BDH1: variants seen among roughly 807,000 people sequenced by gnomAD.
The protein encoded by BDH1 is 3-hydroxybutyrate dehydrogenase 1, also known as D-beta-hydroxybutyrate dehydrogenase, mitochondrial.
In BDH1, 30 loss-of-function variants were observed where a neutral mutation model predicts 33.1. The observed-to-expected ratio is 0.91, with a 90% CI of 0.68 to 1.23. The LOEUF (loss-of-function observed/expected upper bound fraction) is 1.23. BDH1 is among the 50% of genes most tolerant of loss of function. The probability of loss-of-function intolerance (pLI) is 0.00; values close to 1 mark genes in which losing one functional copy is unlikely to be tolerated. For missense variants in BDH1, 443 were observed against 464.4 expected (o/e 0.95, Z 0.42); for synonymous variants, 190 against 183.6 (o/e 1.03, Z -0.28).
At chr3:197,539,128 T>A (rs778044109) in intron 3 of BDH1, among the ~76,000 whole-genome samples, 18 of 152,190 alleles carry the variant, frequency 1.2e-4, no homozygotes, top group Admixed American at 2.6e-4. Flanking sequence ...TGTGTTTTTT[T>A]GAGATGGAGT....
chr3:197,540,663 C>T (rs1298265457), intron 3 of BDH1, among the ~76,000 whole-genome samples: 1 of 152,054 alleles, frequency 6.6e-6, no homozygotes, highest in Non-Finnish European at 1.5e-5. Flanking sequence ...TGAGACCTGT[C>T]TTAAAACAAA....
intron 3 of BDH1, chr3:197,543,187 GA>G (rs1446180700): frequency 3.0e-6 from 3 of 985,210 alleles, no homozygotes; most frequent in Non-Finnish European, 2.4e-6. Flanking sequence ...GGCTTAGGAG[GA>G]ACACATATCA....
In BDH1 at chr3:197,516,253, T is replaced by A. The variant is rs1712711107; in HGVS notation, c.410-1837A>T. 6.6e-6 allele frequency among the ~76,000 whole-genome samples: 1 copy of A among 152,236 alleles called. No homozygotes were observed. On this transcript the variant is annotated intron_variant, in intron 6 of 7. Transcript: ENST00000392379. The surrounding 1 kb of genome is among the most constrained non-coding windows in gnomAD (Gnocchi z 4.2). The stretch of plus-strand genomic sequence containing the variant: ...CTCTTAGGTGTCCTCATCTTCTTCA[T>A]GTTTGTGAATTTTGCAGCCGTTTTG...
rs968312061 is a variant in BDH1, at chr3:197,528,191, T to C, written c.267+4221A>G. 1 of 152,172 alleles carries C rather than the reference T, an allele frequency of 6.6e-6. No homozygotes were observed. The highest frequency in any genetic ancestry group is 2.4e-5 in the African/African-American group (1 of 41,434). 9.4% of individuals were successfully genotyped at this position (152,172 alleles called of 1,614,324 possible). A position where few individuals can be genotyped will look rare whatever the true frequency, so the allele number is the denominator to read the frequency against. ...AACATCGTGATGGGGCAAAGCCTGATCCAGGTGGGTTGCACCCCCTCTGGG... is the reference window on the plus strand; with the variant it reads ...AACATCGTGATGGGGCAAAGCCTGACCCAGGTGGGTTGCACCCCCTCTGGG... On this transcript the variant is annotated intron_variant, in intron 5 of 7. Coordinates refer to ENST00000392379, the MANE Select transcript of BDH1 (RefSeq NM_203314.3). This position sits in a 1 kb window ranked among gnomAD's most constrained non-coding sequence, Gnocchi z 5.1.
chr3:197,514,170 C>G lies in BDH1; in HGVS notation c.562+94G>C. ...GAGCTCACCTCTGCTGAGTTGTGGA[C>G]ATTGGAGCTGCTGGGACAGGTATTT... On this transcript the variant is annotated intron_variant, in intron 7 of 7. Transcript: ENST00000392379. This position sits in a 1 kb window ranked among gnomAD's most constrained non-coding sequence, Gnocchi z 4.2. The G allele has an allele frequency of 6.8e-7, 1 of 1,473,646 alleles. No individual in the cohort carries two copies. The highest frequency in any genetic ancestry group is 9.1e-7 in the Non-Finnish European group (1 of 1,095,188). 91.3% of individuals were successfully genotyped at this position (1,473,646 alleles called of 1,614,324 possible). A position where few individuals can be genotyped will look rare whatever the true frequency, so the allele number is the denominator to read the frequency against.
chr3:197,528,727 G>C lies in BDH1; in HGVS notation c.267+3685C>G. On this transcript the variant is annotated intron_variant, in intron 5 of 7. Coordinates refer to ENST00000392379, the MANE Select transcript of BDH1 (RefSeq NM_203314.3). The surrounding 1 kb of genome is among the most constrained non-coding windows in gnomAD (Gnocchi z 5.1). ...TCAAAATACCAGTCAACCAATTCTA[G>C]AATCACTGTTGCAGGAGTGGAAGGA... The C allele has an allele frequency of 6.6e-6, 1 of 152,236 alleles. No homozygotes were observed. The highest frequency in any genetic ancestry group is 1.9e-4 in the East Asian group (1 of 5,200). The allele number at this position is 152,236 out of a possible 1,614,324, so 9.4% of individuals were successfully genotyped here. A position where few individuals can be genotyped will look rare whatever the true frequency, so the allele number is the denominator to read the frequency against.
At chr3:197,529,392 T>C (rs1714438277) in intron 5 of BDH1, 1 of 152,218 alleles carries the variant, frequency 6.6e-6, no homozygotes, top group African/African-American at 2.4e-5. Flanking sequence ...GAAATACTCA[T>C]TGGAGCACTT....
intron 6 of BDH1, chr3:197,515,346 C>T: frequency 2.0e-6 from 2 of 985,688 alleles, no homozygotes; most frequent in Non-Finnish European, 2.4e-6. Flanking sequence ...TCTCCCTGCT[C>T]TAGGTCTCAC....
At chr3:197,513,295 A>C (rs926588787) in intron 7 of BDH1, among the ~76,000 whole-genome samples, 8 of 151,134 alleles carry the variant, frequency 5.3e-5, no homozygotes, top group African/African-American at 9.7e-5. Context: ...CCTGGGAGGG[A>C]ACTCAGCCCA....
chr3:197,532,876 ACTCTTCTT>A (rs989743602), intron 4 of BDH1, among the ~76,000 whole-genome samples: 2 of 151,974 alleles, frequency 1.3e-5, no homozygotes, highest in Non-Finnish European at 2.9e-5. Context: ...CAGAGTCTAA[ACTCTTCTT>A]CTTTTTTTTG....
chr3:197,531,624 A>G (rs886911185), intron 5 of BDH1, among the ~76,000 whole-genome samples: 1 of 152,116 alleles, frequency 6.6e-6, no homozygotes, highest in African/African-American at 2.4e-5. Flanking sequence ...ATGTAGATGA[A>G]AAGTCCAGAA....
At position 197,522,502 on chromosome 3, in the gene BDH1, TACTGTGCAGGAGGAAG is replaced by T; in HGVS notation, c.409+122_409+137del. 1 of 1,084,376 alleles carries T rather than the reference TACTGTGCAGGAGGAAG, an allele frequency of 9.2e-7. No homozygotes were observed. Among genetic ancestry groups the T allele is most frequent in the Non-Finnish European group, 1.3e-6 (1 of 751,998 alleles). 67.2% of individuals were successfully genotyped at this position (1,084,376 alleles called of 1,614,324 possible). On this transcript the variant is annotated intron_variant, in intron 6 of 7. Coordinates refer to ENST00000392379, the MANE Select transcript of BDH1 (RefSeq NM_203314.3). This position sits in a 1 kb window ranked among gnomAD's most constrained non-coding sequence, Gnocchi z 4.8. ...ATGTTTAGTGTAATCCTCTTCCTCC[TACTGTGCAGGAGGAAG>T]AGCCTAAACAATAAGGAAGGGAGTG...
intron 3 of BDH1, among the ~76,000 whole-genome samples, chr3:197,543,812 G>A (rs916080913): frequency 6.6e-6 from 1 of 152,218 alleles, no homozygotes; most frequent in East Asian, 1.9e-4. Context: ...GGTGGAGTAA[G>A]AGTAGACAAG....
At position 197,511,885 on chromosome 3, in the gene BDH1, G is replaced by A. The variant is rs765324949; in HGVS notation, c.*10C>T. On this transcript the variant is annotated 3_prime_UTR_variant, in exon 8 of 8. Transcript: ENST00000392379. ...CCAGGGATCCCTGACAGAGGCCACA[G>A]CGAGACTCTTCAGCGGATGTAGATC... 1.9e-6 allele frequency: 3 copies of A among 1,545,758 alleles called. No homozygotes were observed. Among genetic ancestry groups the A allele is most frequent in the African/African-American group, 1.4e-5 (1 of 73,418 alleles).
intron 1 of BDH1, among the ~76,000 whole-genome samples, chr3:197,564,751 A>G (rs1717377443): frequency 6.6e-6 from 1 of 152,220 alleles, no homozygotes. Flanking sequence ...ATATGAGCCC[A>G]TGTCAAATTA....
At chr3:197,540,246 G>A (rs1023673315) in intron 3 of BDH1, among the ~76,000 whole-genome samples, 2 of 151,808 alleles carry the variant, frequency 1.3e-5, no homozygotes, top group Admixed American at 6.6e-5. Flanking sequence ...TAGAGATGAG[G>A]TTTCACCATG....
At chr3:197,527,360 T>C (rs13095317) in intron 5 of BDH1, among the ~76,000 whole-genome samples, 32,455 of 152,112 alleles carry the variant, frequency 0.21, 3,758 homozygotes, top group African/African-American at 0.3. Flanking sequence ...GCCAATGGAT[T>C]TGGGAAAATG....
rs536274844 is a variant in BDH1, at chr3:197,569,450, T to C, written c.-44+3731A>G. Among the ~76,000 whole-genome samples the C allele has an allele frequency of 3.3e-5, 5 of 152,324 alleles. No individual in the cohort carries two copies. In the East Asian group the frequency reaches 5.8e-4, roughly 18 times the overall value. On this transcript the variant is annotated intron_variant, in intron 1 of 6. Coordinates refer to the BDH1 transcript ENST00000358186. ...AAGTTATAGGTTCTGGTTGATTATA[T>C]TGATATGTTTTGGCTGTGTCCCTAC...
chr3:197,518,892 C>A (rs1375999532), intron 6 of BDH1, among the ~76,000 whole-genome samples: 1 of 91,898 alleles, frequency 1.1e-5, no homozygotes, highest in Non-Finnish European at 2.3e-5. Flanking sequence ...GTCTCCATCC[C>A]CCCTCAGGCT....
Sources: gnomAD v4.1 joint callset for allele counts (sites outside exome capture counted in the v4.1 genomes callset) on GRCh38, gnomAD v4.1.1 for gene constraint, Gnocchi (gnomAD v3.1) non-coding constraint, MANE v1.5 for transcripts, NCBI Gene and HGNC (gene_info 2026-07-23, HGNC 2026-07-21) for gene names.